The following GPC5 variants were observed in gnomAD, a reference collection of about 807,000 sequenced individuals.
The protein encoded by GPC5 is glypican 5, also known as glypican-5.
In GPC5, 47 loss-of-function variants were observed where a neutral mutation model predicts 53.9. That is an observed-to-expected ratio of 0.87 (90% confidence interval 0.69 to 1.11). The LOEUF is 1.11. Ranked by LOEUF, GPC5 falls within the 50% of genes most tolerant of loss-of-function variation. The probability of loss-of-function intolerance (pLI) is 0.00; values close to 1 mark genes in which losing one functional copy is unlikely to be tolerated. For missense variants in GPC5, 748 were observed against 713.1 expected (o/e 1.05, Z -0.56); for synonymous variants, 286 against 263.3 (o/e 1.09, Z -0.84).
chr13:92,061,928 CT>C (rs1374908256), intron 6 of GPC5, among the ~76,000 whole-genome samples: 2 of 151,890 alleles, frequency 1.3e-5, no homozygotes, highest in Non-Finnish European at 2.9e-5. Context: ...GCTATAAGAT[CT>C]TTTTCATCCC....
intron 2 of GPC5, among the ~76,000 whole-genome samples, chr13:91,563,736 G>A (rs975700627): frequency 5.9e-5 from 9 of 152,044 alleles, no homozygotes; most frequent in African/African-American, 1.7e-4. Context: ...TAATACCAGC[G>A]AAGTTCTTTG....
At chr13:92,777,721 C>T (rs1187616139) in intron 7 of GPC5, among the ~76,000 whole-genome samples, 1 of 152,226 alleles carries the variant, frequency 6.6e-6, no homozygotes, top group Non-Finnish European at 1.5e-5. Context: ...TATTTGTTCC[C>T]TGATGCCCTG....
chr13:92,098,433 G>T (rs1455951249), intron 6 of GPC5, among the ~76,000 whole-genome samples: 1 of 152,110 alleles, frequency 6.6e-6, no homozygotes, highest in Admixed American at 6.6e-5. Flanking sequence ...AGTAATTTGG[G>T]ATTTTTGAGC....
intron 7 of GPC5, among the ~76,000 whole-genome samples, chr13:92,683,274 G>A (rs1887161971): frequency 6.6e-6 from 1 of 152,174 alleles, no homozygotes. Context: ...CAAGGATGGA[G>A]ACCAAAGGGT....
intron 6 of GPC5, among the ~76,000 whole-genome samples, chr13:92,092,849 A>T (rs2041391657): frequency 1.3e-5 from 2 of 152,166 alleles, no homozygotes; most frequent in Admixed American, 6.5e-5. Context: ...GTGCCATAGG[A>T]TGTTTTGACT....
intron 7 of GPC5, among the ~76,000 whole-genome samples, chr13:92,230,947 T>A (rs967798541): frequency 1.3e-5 from 2 of 152,178 alleles, no homozygotes; most frequent in Non-Finnish European, 2.9e-5. Context: ...ATAAATAAAT[T>A]GTCCTTAGAA....
chr13:91,733,387 C>T (rs1295137451), intron 4 of GPC5, among the ~76,000 whole-genome samples: 1 of 152,170 alleles, frequency 6.6e-6, no homozygotes, highest in African/African-American at 2.4e-5. Context: ...CCCACCTCAG[C>T]CTCCCAAAGT....
intron 7 of GPC5, among the ~76,000 whole-genome samples, chr13:92,608,633 T>C (rs1884333905): frequency 6.6e-6 from 1 of 152,202 alleles, no homozygotes; most frequent in South Asian, 2.1e-4. Flanking sequence ...CTCCAATTAA[T>C]ATTCAAATTC....
intron 7 of GPC5, among the ~76,000 whole-genome samples, chr13:92,858,141 C>T (rs1268724987): frequency 6.6e-6 from 1 of 152,110 alleles, no homozygotes; most frequent in Non-Finnish European, 1.5e-5. Context: ...TGTGTTCCCA[C>T]CCAAATCTCA....
At chr13:91,582,688 T>A (rs138677950) in intron 2 of GPC5, among the ~76,000 whole-genome samples, 4 of 152,316 alleles carry the variant, frequency 2.6e-5, no homozygotes, top group Admixed American at 2.0e-4. Context: ...ATCCTGTCAA[T>A]GTAAACACAA....
chr13:91,533,623 T>C (rs1594217391), intron 2 of GPC5, among the ~76,000 whole-genome samples: 1 of 152,094 alleles, frequency 6.6e-6, no homozygotes, highest in African/African-American at 2.4e-5. Context: ...CAACAGAACT[T>C]ACAGAGGAGT....
intron 7 of GPC5, among the ~76,000 whole-genome samples, chr13:92,444,441 A>G (rs1055361382): frequency 6.6e-6 from 1 of 152,282 alleles, no homozygotes. Flanking sequence ...CAGGGTCTCA[A>G]TTAGATCAGC....
At chr13:91,406,670 A>G (rs1877345360) in intron 1 of GPC5, among the ~76,000 whole-genome samples, 1 of 152,112 alleles carries the variant, frequency 6.6e-6, no homozygotes, top group African/African-American at 2.4e-5. Flanking sequence ...AGTAAGTGGT[A>G]TCACCTAGAC....
At chr13:92,241,087 G>C (rs2042608512) in intron 7 of GPC5, 1 of 152,000 alleles carries the variant, frequency 6.6e-6, no homozygotes. Flanking sequence ...AGTTAAGCAA[G>C]TCCCCAATTA....
At chr13:92,301,636 C>T (rs2043075930) in intron 7 of GPC5, among the ~76,000 whole-genome samples, 1 of 151,972 alleles carries the variant, frequency 6.6e-6, no homozygotes, top group Non-Finnish European at 1.5e-5. Context: ...CCTGTAATCC[C>T]AGCACTTCGG....
intron 2 of GPC5, among the ~76,000 whole-genome samples, chr13:91,590,377 T>C (rs949369865): frequency 6.6e-6 from 1 of 152,098 alleles, no homozygotes; most frequent in Non-Finnish European, 1.5e-5. Flanking sequence ...TCTTCACCTA[T>C]TTGTTAATAA....
At chr13:91,900,107 G>A (rs1276284835) in intron 5 of GPC5, among the ~76,000 whole-genome samples, 8 of 151,890 alleles carry the variant, frequency 5.3e-5, no homozygotes, top group African/African-American at 1.9e-4. Flanking sequence ...GTAGCCAGAA[G>A]CTTTTTAAAT....
chr13:91,966,947 A>G (rs2040186580), intron 6 of GPC5, among the ~76,000 whole-genome samples: 1 of 152,230 alleles, frequency 6.6e-6, no homozygotes, highest in African/African-American at 2.4e-5. Flanking sequence ...AATAAACACT[A>G]TTTCCTATAT....
At chr13:91,804,884 TA>T (rs2038195726) in intron 5 of GPC5, among the ~76,000 whole-genome samples, 1 of 152,208 alleles carries the variant, frequency 6.6e-6, no homozygotes. Flanking sequence ...GAAATCTCAA[TA>T]CCAGACCTGG....
Sources: allele counts gnomAD v4.1 joint callset (sites outside exome capture counted in the v4.1 genomes callset), GRCh38; gene constraint gnomAD v4.1.1; transcripts MANE v1.5; gene names NCBI Gene and HGNC (gene_info 2026-07-23, HGNC 2026-07-21).